The following HMGCLL1 variants were observed in gnomAD, a reference collection of about 807,000 sequenced individuals.
The protein encoded by HMGCLL1 is 3-hydroxy-3-methylglutaryl-CoA lyase like 1.
In HMGCLL1, 36 loss-of-function variants were observed where a neutral mutation model predicts 39.1. The observed-to-expected ratio is 0.92, with a 90% CI of 0.71 to 1.22. The LOEUF (loss-of-function observed/expected upper bound fraction) is 1.22. Among genes scored for constraint, HMGCLL1 ranks in the 50% most tolerant of loss-of-function variants. The probability of loss-of-function intolerance (pLI) is 0.00; values close to 1 mark genes in which losing one functional copy is unlikely to be tolerated. For missense variants in HMGCLL1, 451 were observed against 416.5 expected (o/e 1.08, Z -0.72); for synonymous variants, 149 against 144.0 (o/e 1.03, Z -0.25).
chr6:55,517,675 TATA>T (rs1168583679), intron 3 of HMGCLL1, among the ~76,000 whole-genome samples: 1 of 151,946 alleles, frequency 6.6e-6, no homozygotes, highest in Admixed American at 6.6e-5. Context: ...TGAAAAATAT[TATA>T]ATATTAAATA....
the HMGCLL1 span, among the ~76,000 whole-genome samples, chr6:55,638,392 A>G: frequency 7.6e-6 from 1 of 132,214 alleles, no homozygotes; most frequent in African/African-American, 2.9e-5. Context: ...GGGCAACAAG[A>G]GCGAAACTCA....
the HMGCLL1 span, among the ~76,000 whole-genome samples, chr6:55,658,652 A>C: frequency 6.6e-6 from 1 of 151,978 alleles, no homozygotes; most frequent in Non-Finnish European, 1.5e-5. Context: ...TACCATAGGG[A>C]TTGTGTAACA....
intron 1 of HMGCLL1, among the ~76,000 whole-genome samples, chr6:55,556,515 G>T (rs1203844444): frequency 6.6e-6 from 1 of 152,120 alleles, no homozygotes; most frequent in Non-Finnish European, 1.5e-5. Context: ...TGAGCAAGGA[G>T]TAAGGAAATA....
At chr6:55,495,961 T>C (rs1766553860) in intron 6 of HMGCLL1, among the ~76,000 whole-genome samples, 1 of 152,154 alleles carries the variant, frequency 6.6e-6, no homozygotes, top group South Asian at 2.1e-4. Flanking sequence ...ATTACAGATC[T>C]ACTTTGGAAG....
intron 7 of HMGCLL1, among the ~76,000 whole-genome samples, chr6:55,447,904 T>C (rs1264955910): frequency 6.6e-6 from 1 of 152,188 alleles, no homozygotes; most frequent in Non-Finnish European, 1.5e-5. Flanking sequence ...ACTGACGATA[T>C]GCCGGACATA....
chr6:55,555,922 C>G (rs1410961504), intron 1 of HMGCLL1, among the ~76,000 whole-genome samples: 1 of 152,056 alleles, frequency 6.6e-6, no homozygotes, highest in African/African-American at 2.4e-5. Flanking sequence ...TGTGGGGGTT[C>G]TTTTGGGCAG....
the HMGCLL1 span, among the ~76,000 whole-genome samples, chr6:55,678,429 C>T: frequency 1.3e-5 from 2 of 151,540 alleles, no homozygotes; most frequent in Non-Finnish European, 2.9e-5. Flanking sequence ...ACTAGTAAGC[C>T]TGCTTTATGG....
At position 55,435,402 on chromosome 6, in the gene HMGCLL1, A is replaced by G; in HGVS notation, c.*260T>C. Reference sequence around the variant, plus strand: ...TCTACTAAATTAAAAAGTTATTTCTATGAGAGCAAAAGAAACTTTTTTCCA... The same window carrying G: ...TCTACTAAATTAAAAAGTTATTTCTGTGAGAGCAAAAGAAACTTTTTTCCA... On this transcript the variant is annotated 3_prime_UTR_variant, in exon 9 of 9. Coordinates refer to ENST00000274901, the MANE Select transcript of HMGCLL1 (RefSeq NM_001042406.2). The G allele has an allele frequency of 3.3e-6, 1 of 300,470 alleles. No individual in the cohort carries two copies. Among genetic ancestry groups the G allele is most frequent in the South Asian group, 8.0e-5 (1 of 12,544 alleles). The allele number at this position is 300,470 out of a possible 1,614,324, so 18.6% of individuals were successfully genotyped here. A position where few individuals can be genotyped will look rare whatever the true frequency, so the allele number is the denominator to read the frequency against.
At chr6:55,467,295 A>C (rs908749760) in intron 7 of HMGCLL1, among the ~76,000 whole-genome samples, 3 of 152,114 alleles carry the variant, frequency 2.0e-5, no homozygotes, top group African/African-American at 7.2e-5. Context: ...TGTAATACAA[A>C]ATATATTTTT....
chr6:55,649,891 C>A, the HMGCLL1 span, among the ~76,000 whole-genome samples: 2 of 150,886 alleles, frequency 1.3e-5, no homozygotes, highest in Admixed American at 6.6e-5. Context: ...AATTTTTCAG[C>A]CTGTCAGTTG....
the HMGCLL1 span, among the ~76,000 whole-genome samples, chr6:55,611,959 A>C: frequency 6.6e-6 from 1 of 152,298 alleles, no homozygotes; most frequent in East Asian, 1.9e-4. Flanking sequence ...GGCCAGGGCA[A>C]TCAGGCCAGA....
chr6:55,479,139 A>T, intron 7 of HMGCLL1, among the ~76,000 whole-genome samples: 1 of 151,452 alleles, frequency 6.6e-6, no homozygotes. Flanking sequence ...GAATGAGTTT[A>T]TGGAGCTAGG....
At chr6:55,507,367 C>A (rs1025678180) in intron 5 of HMGCLL1, among the ~76,000 whole-genome samples, 1 of 151,646 alleles carries the variant, frequency 6.6e-6, no homozygotes, top group Non-Finnish European at 1.5e-5. Flanking sequence ...CTCTAAGTAT[C>A]CTTTGGGACA....
chr6:55,528,923 C>T (rs1239958955), intron 3 of HMGCLL1, among the ~76,000 whole-genome samples: 1 of 152,008 alleles, frequency 6.6e-6, no homozygotes, highest in Non-Finnish European at 1.5e-5. Context: ...TCATGATCCA[C>T]TAATGTCTAC....
chr6:55,633,689 C>G, the HMGCLL1 span, among the ~76,000 whole-genome samples: 1 of 151,792 alleles, frequency 6.6e-6, no homozygotes, highest in African/African-American at 2.4e-5. Flanking sequence ...AGTAAACCAA[C>G]GTTGATGAGC....
chr6:55,633,781 G>A, the HMGCLL1 span, among the ~76,000 whole-genome samples: 1 of 151,954 alleles, frequency 6.6e-6, no homozygotes, highest in African/African-American at 2.4e-5. Context: ...GTGGGCAATG[G>A]GAAATGAAGA....
At chr6:55,454,186 A>C (rs771996893) in intron 7 of HMGCLL1, among the ~76,000 whole-genome samples, 31 of 152,214 alleles carry the variant, frequency 2.0e-4, no homozygotes, top group Non-Finnish European at 4.3e-4. Context: ...TGGTCAGTAA[A>C]ATAATTTAAA....
At chr6:55,543,611 CTTTGGAAGGCCA>C (rs1157555182) in intron 1 of HMGCLL1, among the ~76,000 whole-genome samples, 1 of 138,138 alleles carries the variant, frequency 7.2e-6, no homozygotes, top group East Asian at 2.1e-4. Context: ...TTTGCCAGCA[CTTTGGAAGGCCA>C]AGGCATATTT....
the HMGCLL1 span, among the ~76,000 whole-genome samples, chr6:55,598,052 A>G: frequency 1.3e-5 from 2 of 152,212 alleles, no homozygotes; most frequent in Non-Finnish European, 2.9e-5. Flanking sequence ...GGTTTTCCAC[A>G]ATAAGATCAT....
Sources: allele counts gnomAD v4.1 joint callset (sites outside exome capture counted in the v4.1 genomes callset), GRCh38; gene constraint gnomAD v4.1.1; transcripts MANE v1.5; gene names NCBI Gene and HGNC (gene_info 2026-07-23, HGNC 2026-07-21).